MFSD8: variants seen among roughly 807,000 people sequenced by gnomAD.
MFSD8 encodes the protein major facilitator superfamily domain containing 8, also known as major facilitator superfamily domain-containing protein 8.
A neutral mutation model predicts 66.4 loss-of-function variants in MFSD8; 55 were observed. That is an observed-to-expected ratio of 0.83 (90% CI 0.67 to 1.04). MFSD8 has a LOEUF of 1.04. MFSD8 is among the 50% of genes least tolerant of loss of function. The probability of loss-of-function intolerance (pLI) is 0.00; values close to 1 mark genes in which losing one functional copy is unlikely to be tolerated. For synonymous variants in MFSD8, 202 were observed against 212.8 expected, an observed-to-expected ratio of 0.95 and a Z score of 0.44; for missense variants, 550 against 627.6, an observed-to-expected ratio of 0.88 and a Z score of 1.32.
chr4:127,960,970 C>T (rs116091342), intron 1 of MFSD8, among the ~76,000 whole-genome samples: 36 of 151,966 alleles, frequency 2.4e-4, no homozygotes, highest in African/African-American at 8.7e-4. Context: ...TGATTTTTCC[C>T]CTTGCCCTAA....
chr4:127,963,805 CCTG>C (rs1386258226), intron 1 of MFSD8, among the ~76,000 whole-genome samples: 1 of 152,172 alleles, frequency 6.6e-6, no homozygotes, highest in Non-Finnish European at 1.5e-5. Flanking sequence ...TGGTGGGCAG[CCTG>C]CTTTTATTCT....
Position 127,939,998 on chromosome 4 carries a change from C to G in MFSD8, c.554-1G>C, listed in dbSNP as rs773886985. ...AGGAATGTAAAACAAGTCTGAAAAACTTATTAAGATAAAATTTTCACAGAT... is the reference window on the plus strand; with the variant it reads ...AGGAATGTAAAACAAGTCTGAAAAAGTTATTAAGATAAAATTTTCACAGAT... On this transcript the variant is annotated splice_acceptor_variant, in intron 5 of 11. Transcript: ENST00000641686. LOFTEE classifies it high-confidence loss of function. 1 of 1,611,788 alleles carries G rather than the reference C, an allele frequency of 6.2e-7. No individual in the cohort carries two copies. Among genetic ancestry groups the G allele is most frequent in the Non-Finnish European group, 8.5e-7 (1 of 1,178,894 alleles).
rs10648496 is a variant in MFSD8 at position 127,947,863 on chromosome 4, A to AACACACAC, written c.198+1933_198+1940dup. Among the ~76,000 whole-genome samples, 527 of 141,164 alleles carry AACACACAC rather than the reference A, an allele frequency of 3.7e-3. 2 individuals carry two copies. The highest frequency in any genetic ancestry group is 0.018 in the Middle Eastern group (5 of 280). 92.6% of individuals were successfully genotyped at this position (141,164 alleles called of 152,430 possible). ...GATAAAACACACATATGCACGTGTGAACACACACACACACACACACACACA... is the reference window on the plus strand; with the variant it reads ...GATAAAACACACATATGCACGTGTGAACACACACACACACACACACACACACACACACA... On this transcript the variant is annotated intron_variant, in intron 3 of 11. Coordinates refer to ENST00000641686, the MANE Select transcript of MFSD8 (RefSeq NM_001371596.2).
chr4:127,938,443 C>G (rs1015025723), intron 7 of MFSD8, among the ~76,000 whole-genome samples: 1 of 151,792 alleles, frequency 6.6e-6, no homozygotes, highest in Non-Finnish European at 1.5e-5. Context: ...ATTAGCCAGG[C>G]GTGGCGGCAT....
Position 127,965,153 on chromosome 4 carries a change from C to T in MFSD8, c.-20G>A, listed in dbSNP as rs761604533. The T allele has an allele frequency of 1.8e-5, 29 of 1,613,644 alleles. No homozygotes were observed. Among genetic ancestry groups the T allele is most frequent in the East Asian group, 2.2e-5 (1 of 44,892 alleles). ...GGCCATAGTTACACTCCCTACAAGG[C>T]GTCTTGCGCCCAACTCTCGCGACAC... On this transcript the variant is annotated 5_prime_UTR_variant, in exon 1 of 12. Transcript: ENST00000641686.
rs1275962600 is a variant in MFSD8, at chr4:127,920,793, C to T, written c.1394G>A (p.Arg465Gln). The change falls in exon 12 of 12, where the codon CGG becomes CAG. Residue 465 changes from arginine to glutamine, a missense_variant. Arg to Gln is a conservative substitution (Grantham distance 43). Transcript: ENST00000641686. Reference sequence around the variant, plus strand: ...GCTGATGAACATAGGCCCAAGAATCCGGGCTCCACTTCCAGATGCTGTTAA... The same window carrying T: ...GCTGATGAACATAGGCCCAAGAATCTGGGCTCCACTTCCAGATGCTGTTAA... ...GWLTASGSGA[R>Q]ILGPMFISQV... 9 of 1,613,904 alleles carry T rather than the reference C, an allele frequency of 5.6e-6. No individual in the cohort carries two copies. Among genetic ancestry groups the T allele is most frequent in the Admixed American group, 1.7e-5 (1 of 59,956 alleles).
chr4:127,962,172 G>A (rs992045416), intron 1 of MFSD8, among the ~76,000 whole-genome samples: 2 of 152,122 alleles, frequency 1.3e-5, no homozygotes, highest in Non-Finnish European at 2.9e-5. Context: ...TATAGCAACG[G>A]GCCTCAGAGC....
At position 127,920,528 on chromosome 4, in the gene MFSD8, T is replaced by A; in HGVS notation, c.*102A>T. On this transcript the variant is annotated 3_prime_UTR_variant, in exon 12 of 12. Coordinates refer to ENST00000641686, the MANE Select transcript of MFSD8 (RefSeq NM_001371596.2). ...CTTGTTCTTCAAAATCTGCAATATC[T>A]GTAGTCTGATTCTTGGAGACTGGCT... The A allele has an allele frequency of 2.7e-6, 3 of 1,108,820 alleles. No homozygotes were observed. Among genetic ancestry groups the A allele is most frequent in the Non-Finnish European group, 4.1e-6 (3 of 728,226 alleles). 68.7% of individuals were successfully genotyped at this position (1,108,820 alleles called of 1,614,324 possible).
At chr4:127,959,871 A>G (rs1286741953) in intron 1 of MFSD8, among the ~76,000 whole-genome samples, 1 of 152,244 alleles carries the variant, frequency 6.6e-6, no homozygotes, top group Non-Finnish European at 1.5e-5. Flanking sequence ...TCCTTCAATC[A>G]AGTGACCATA....
chr4:127,942,309 T>G (rs185865792), intron 4 of MFSD8, 151 bp from the exon 5 acceptor site: 72 of 665,072 alleles, frequency 1.1e-4, no homozygotes, highest in Admixed American at 7.1e-4. Context: ...ATGTAAGGTA[T>G]TTTTATTAAG....
intron 1 of MFSD8, 32 bp from the exon 2 acceptor site, chr4:127,957,624 T>C: frequency 7.1e-7 from 1 of 1,412,698 alleles, no homozygotes. Flanking sequence ...GTAGTATAAA[T>C]TTATCTCATT....
intron 7 of MFSD8, 55 bp from the exon 8 acceptor site, chr4:127,933,148 A>C: frequency 1.4e-6 from 2 of 1,397,510 alleles, no homozygotes; most frequent in Non-Finnish European, 2.0e-6. Flanking sequence ...TTTTCTTATG[A>C]CATTAAAGTA....
At chr4:127,951,761 G>A (rs1742009557) in intron 2 of MFSD8, among the ~76,000 whole-genome samples, 2 of 140,346 alleles carry the variant, frequency 1.4e-5, no homozygotes, top group South Asian at 2.2e-4. Context: ...ACAGAGTCTC[G>A]CTATGTCACC....
At chr4:127,963,754 C>A (rs190317795) in intron 1 of MFSD8, among the ~76,000 whole-genome samples, 34 of 152,340 alleles carry the variant, frequency 2.2e-4, no homozygotes, top group Non-Finnish European at 4.1e-4. Flanking sequence ...AAAAACAAAG[C>A]TTCCACACTG....
intron 1 of MFSD8, among the ~76,000 whole-genome samples, chr4:127,961,546 G>A (rs1743738219): frequency 6.6e-6 from 1 of 152,112 alleles, no homozygotes; most frequent in Admixed American, 6.5e-5. Flanking sequence ...CGGGCACGGT[G>A]GCTCACACCT....
At chr4:127,952,109 A>T (rs1323091922) in intron 2 of MFSD8, among the ~76,000 whole-genome samples, 2 of 151,956 alleles carry the variant, frequency 1.3e-5, no homozygotes, top group Non-Finnish European at 2.9e-5. Context: ...TAATTTAATT[A>T]TTAGCTTCAT....
intron 5 of MFSD8, among the ~76,000 whole-genome samples, chr4:127,941,297 G>T (rs1740146430): frequency 6.6e-6 from 1 of 152,044 alleles, no homozygotes; most frequent in African/African-American, 2.4e-5. Context: ...GTGGGAGATG[G>T]GGTGTTAATG....
At chr4:127,942,001 T>C in intron 5 of MFSD8, 44 bp downstream of exon 5, 1 of 1,470,098 alleles carries the variant, frequency 6.8e-7, no homozygotes, top group Non-Finnish European at 9.5e-7. Flanking sequence ...CCTCAAAAGT[T>C]TTCCCAATTC....
intron 2 of MFSD8, among the ~76,000 whole-genome samples, chr4:127,951,057 C>CA (rs111867339): frequency 7.9e-4 from 85 of 106,966 alleles, no homozygotes; most frequent in South Asian, 3.4e-3. Flanking sequence ...GACTCTGTCT[C>CA]AAAAAAAAAA....
Sources: allele counts gnomAD v4.1 joint callset (sites outside exome capture counted in the v4.1 genomes callset), GRCh38; gene constraint gnomAD v4.1.1; transcripts MANE v1.5; gene names NCBI Gene and HGNC (gene_info 2026-07-23, HGNC 2026-07-21).